STXBP5L: variants seen among roughly 807,000 people sequenced by gnomAD.
STXBP5L encodes the protein syntaxin-binding protein 5-like.
In STXBP5L, 65 loss-of-function variants were observed where a neutral mutation model predicts 144.5. The observed-to-expected ratio is 0.45, with a 90% confidence interval of 0.37 to 0.55. The LOEUF is 0.55. Among genes scored for constraint, STXBP5L ranks in the 20% least tolerant of loss-of-function variants. STXBP5L has a pLI of 0.00. For synonymous variants in STXBP5L, 505 were observed against 469.6 expected, an observed-to-expected ratio of 1.08 and a Z score of -0.97; for missense variants, 1,298 against 1,405.5, an observed-to-expected ratio of 0.92 and a Z score of 1.22.
intron 18 of STXBP5L, among the ~76,000 whole-genome samples, chr3:121,274,727 C>G (rs2050829966): frequency 6.6e-6 from 1 of 152,168 alleles, no homozygotes; most frequent in Admixed American, 6.5e-5. Flanking sequence ...TGGGCATATA[C>G]AGATTGCCTA....
chr3:121,281,726 T>G (rs1032672219), intron 19 of STXBP5L, among the ~76,000 whole-genome samples: 15 of 152,128 alleles, frequency 9.9e-5, no homozygotes, highest in African/African-American at 2.9e-4. Flanking sequence ...AGAACATTGA[T>G]GACTTTAAAA....
intron 9 of STXBP5L, among the ~76,000 whole-genome samples, chr3:121,181,157 G>A (rs1356173166): frequency 6.7e-6 from 1 of 149,174 alleles, no homozygotes; most frequent in Non-Finnish European, 1.5e-5. Context: ...GAGAAAAGAG[G>A]GGAGGGGGAG....
intron 18 of STXBP5L, among the ~76,000 whole-genome samples, chr3:121,261,734 A>G (rs1225736271): frequency 1.3e-5 from 2 of 152,230 alleles, no homozygotes; most frequent in African/African-American, 4.8e-5. Context: ...TGACTTCAAA[A>G]GAAACTAATA....
At chr3:121,150,742 A>G (rs1001261524) in intron 7 of STXBP5L, among the ~76,000 whole-genome samples, 25 of 152,132 alleles carry the variant, frequency 1.6e-4, no homozygotes, top group East Asian at 7.7e-4. Context: ...TTTTAGGCTA[A>G]TGAATCTCCT....
chr3:120,939,360 C>T (rs1710438864), intron 2 of STXBP5L, among the ~76,000 whole-genome samples: 1 of 152,024 alleles, frequency 6.6e-6, no homozygotes, highest in Non-Finnish European at 1.5e-5. Flanking sequence ...AAGACATGGA[C>T]TATATTACTT....
At chr3:121,011,503 A>C (rs536660525) in intron 3 of STXBP5L, among the ~76,000 whole-genome samples, 31 of 151,916 alleles carry the variant, frequency 2.0e-4, no homozygotes, top group Admixed American at 1.2e-3. Flanking sequence ...GTGCGCCACT[A>C]TCAGTTCTTG....
intron 14 of STXBP5L, among the ~76,000 whole-genome samples, chr3:121,246,812 G>A (rs187058265): frequency 6.6e-6 from 1 of 152,222 alleles, no homozygotes; most frequent in African/African-American, 2.4e-5. Flanking sequence ...TACGCTAAGT[G>A]CATAATGCAG....
intron 20 of STXBP5L, among the ~76,000 whole-genome samples, chr3:121,346,504 C>G (rs756106852): frequency 3.9e-5 from 6 of 152,122 alleles, no homozygotes; most frequent in Non-Finnish European, 8.8e-5. Context: ...ATTTCTAGTA[C>G]TAGATCCCTG....
chr3:121,403,326 G>A (rs540012844), intron 22 of STXBP5L, among the ~76,000 whole-genome samples: 9 of 152,102 alleles, frequency 5.9e-5, no homozygotes, highest in Non-Finnish European at 1.3e-4. Context: ...AATGGATAGA[G>A]GCTTGTGTGA....
At chr3:121,184,414 G>A (rs1337561043) in intron 9 of STXBP5L, among the ~76,000 whole-genome samples, 1 of 151,562 alleles carries the variant, frequency 6.6e-6, no homozygotes, top group South Asian at 2.1e-4. Flanking sequence ...ACTTCATGAA[G>A]CATACACAAA....
At chr3:120,992,790 C>A (rs1943031057) in intron 3 of STXBP5L, among the ~76,000 whole-genome samples, 1 of 151,970 alleles carries the variant, frequency 6.6e-6, no homozygotes, top group Non-Finnish European at 1.5e-5. Context: ...CTTTGTTACA[C>A]TAATTTCCTT....
intron 3 of STXBP5L, among the ~76,000 whole-genome samples, chr3:120,983,630 G>A (rs1942014180): frequency 6.6e-6 from 1 of 152,068 alleles, no homozygotes; most frequent in South Asian, 2.1e-4. Context: ...TATCCTGGAG[G>A]CCTGGGAGGA....
chr3:121,054,950 T>A (rs1235907304), intron 5 of STXBP5L, among the ~76,000 whole-genome samples: 1 of 152,140 alleles, frequency 6.6e-6, no homozygotes, highest in African/African-American at 2.4e-5. Flanking sequence ...AAGGCAATGT[T>A]CTGGCCCCTT....
rs776046123 is a variant in STXBP5L, at chr3:121,041,819, C to T, written c.369+38C>T. ...TTTTGACTACTTAAATCACACACTC[C>T]CCCACTACACAGTGAATCAGTTAAT... On this transcript the variant is annotated intron_variant, in intron 4 of 26. Transcript: ENST00000471454. 7 of 1,305,946 alleles carry T rather than the reference C, an allele frequency of 5.4e-6. No individual in the cohort carries two copies. In the East Asian group the frequency reaches 1.4e-4, roughly 26 times the overall value. 80.9% of individuals were successfully genotyped at this position (1,305,946 alleles called of 1,614,324 possible). A position where few individuals can be genotyped will look rare whatever the true frequency, so the allele number is the denominator to read the frequency against.
intron 9 of STXBP5L, among the ~76,000 whole-genome samples, chr3:121,171,723 T>G (rs1338588530): frequency 6.6e-6 from 1 of 152,010 alleles, no homozygotes; most frequent in Non-Finnish European, 1.5e-5. Context: ...TGGAAAAGCA[T>G]TCCATGCTGA....
chr3:121,027,707 T>A (rs902824654), intron 3 of STXBP5L, among the ~76,000 whole-genome samples: 1 of 152,056 alleles, frequency 6.6e-6, no homozygotes, highest in African/African-American at 2.4e-5. Flanking sequence ...TAATCCAAGA[T>A]AATCTCCCCA....
rs1301711716 is a variant in STXBP5L at position 121,407,287 on chromosome 3, A to G, written c.2632A>G (p.Met878Val). Residue 878 changes from methionine (M) to valine (V), a missense_variant, in exon 23 of 27, where the codon ATG becomes GTG. Physicochemically the swap from Met to Val is conservative, Grantham distance 21 (BLOSUM62 1). Coordinates refer to ENST00000471454, the MANE Select transcript of STXBP5L (RefSeq NM_001308330.2). ...AGGAGCTGTGCTAACATTCTCCTGT[A>G]TGGACCGAATGGGTGGATTAATGCA... Reference protein sequence around the residue: ...LKGAVLTFSCMDRMGGLMQPP... With the variant: ...LKGAVLTFSCVDRMGGLMQPP... 2 of 1,607,492 alleles carry G rather than the reference A, an allele frequency of 1.2e-6. No individual in the cohort carries two copies. The highest frequency in any genetic ancestry group is 2.2e-5 in the South Asian group (2 of 89,904).
At chr3:120,940,489 AG>A (rs1710510871) in intron 2 of STXBP5L, among the ~76,000 whole-genome samples, 1 of 152,000 alleles carries the variant, frequency 6.6e-6, no homozygotes, top group South Asian at 2.1e-4. Context: ...GTTGAAAGAG[AG>A]GACAGAATGA....
intron 20 of STXBP5L, chr3:121,324,582 C>T (rs560762630): frequency 1.2e-5 from 8 of 684,482 alleles, no homozygotes; most frequent in Non-Finnish European, 1.8e-5. Context: ...ATATCACTTG[C>T]CAGGTGAAGA....
Sources: gnomAD v4.1 joint callset for allele counts (sites outside exome capture counted in the v4.1 genomes callset) on GRCh38, gnomAD v4.1.1 for gene constraint, MANE v1.5 for transcripts, NCBI Gene and HGNC (gene_info 2026-07-23, HGNC 2026-07-21) for gene names.